The following MSH3 variants were observed in gnomAD, a reference collection of about 807,000 sequenced individuals.
The protein encoded by MSH3 is DNA mismatch repair protein Msh3.
In MSH3, 106 loss-of-function variants were observed where a neutral mutation model predicts 123.3. The observed-to-expected ratio is 0.86, with a 90% CI of 0.73 to 1.01. The LOEUF is 1.01. MSH3 is among the 50% of genes least tolerant of loss of function. The pLI is 0.00. For missense variants in MSH3, 1,459 were observed against 1,347.6 expected, an observed-to-expected ratio of 1.08 and a Z score of -1.29; for synonymous variants, 515 against 481.4, an observed-to-expected ratio of 1.07 and a Z score of -0.91.
intron 8 of MSH3, among the ~76,000 whole-genome samples, chr5:80,705,907 A>G (rs1039130951): frequency 1.3e-5 from 2 of 152,180 alleles, no homozygotes; most frequent in African/African-American, 4.8e-5. Flanking sequence ...ATAAAGTCAC[A>G]TTATATACTG....
In MSH3 at chr5:80,719,758, A is replaced by G. The variant is rs142799765; in HGVS notation, c.1341-5695A>G. On this transcript the variant is annotated intron_variant, in intron 8 of 23. Coordinates refer to ENST00000265081, the MANE Select transcript of MSH3 (RefSeq NM_002439.5). ...TCTTATAGCCTCCATTGAGAGTCTTAGTTCTCCAAACAAATATGTATTACA... is the reference window on the plus strand; with the variant it reads ...TCTTATAGCCTCCATTGAGAGTCTTGGTTCTCCAAACAAATATGTATTACA... 9.8e-5 allele frequency among the ~76,000 whole-genome samples: 15 copies of G among 152,372 alleles called. No homozygotes were observed. In the East Asian group the frequency reaches 2.9e-3, roughly 29 times the overall value.
intron 8 of MSH3, among the ~76,000 whole-genome samples, chr5:80,724,705 A>C (rs997423197): frequency 6.6e-6 from 1 of 152,246 alleles, no homozygotes; most frequent in Non-Finnish European, 1.5e-5. Context: ...AAACAGATTT[A>C]GCAGAAAGTC....
At chr5:80,728,688 A>G (rs1580589205) in intron 9 of MSH3, among the ~76,000 whole-genome samples, 163 bp from the exon 10 acceptor site, 1 of 152,152 alleles carries the variant, frequency 6.6e-6, no homozygotes, top group African/African-American at 2.4e-5. Flanking sequence ...CCAAAGGTCA[A>G]TTTTAGGAGA....
intron 10 of MSH3, among the ~76,000 whole-genome samples, chr5:80,736,980 A>G (rs985219475): frequency 2.0e-5 from 3 of 152,182 alleles, no homozygotes; most frequent in Admixed American, 6.5e-5. Flanking sequence ...ACCATGAGTC[A>G]TTGAACCTGG....
In MSH3 at chr5:80,828,019, C is replaced by T. The variant is rs143551300; in HGVS notation, c.2813+14278C>T. 2.1e-3 allele frequency among the ~76,000 whole-genome samples: 324 copies of T among 152,298 alleles called. 6 individuals carry two copies. The East Asian group carries it at 0.055, about 26-fold the overall frequency. On this transcript the variant is annotated intron_variant, in intron 20 of 23. Coordinates refer to ENST00000265081, the MANE Select transcript of MSH3 (RefSeq NM_002439.5). ...CTCCCCCATTTTCAGCATCCCCCACCAGAGTACTCCCTTTCTTACAATTGA... is the reference window on the plus strand; with the variant it reads ...CTCCCCCATTTTCAGCATCCCCCACTAGAGTACTCCCTTTCTTACAATTGA...
At chr5:80,865,853 TGGG>T (rs1334560578) in intron 22 of MSH3, among the ~76,000 whole-genome samples, 1 of 152,222 alleles carries the variant, frequency 6.6e-6, no homozygotes, top group Non-Finnish European at 1.5e-5. Flanking sequence ...AACAAAGCAC[TGGG>T]CCTAAGATAA....
intron 8 of MSH3, among the ~76,000 whole-genome samples, chr5:80,719,496 A>T (rs1472114720): frequency 6.6e-6 from 1 of 152,148 alleles, no homozygotes; most frequent in East Asian, 1.9e-4. Flanking sequence ...TGACATCTAT[A>T]TCTCCTTTTC....
chr5:80,744,085 T>A (rs914222284), intron 11 of MSH3, among the ~76,000 whole-genome samples: 5 of 152,296 alleles, frequency 3.3e-5, no homozygotes, highest in Admixed American at 6.5e-5. Flanking sequence ...TAGAGTGCAG[T>A]GCAAGTTCAT....
At chr5:80,744,675 C>A in intron 12 of MSH3, 60 bp downstream of exon 12, 1 of 1,195,792 alleles carries the variant, frequency 8.4e-7, no homozygotes, top group Non-Finnish European at 1.2e-6. Context: ...AAATTAAAGG[C>A]ATTTTAAAAC....
At chr5:80,841,562 A>G (rs941062304) in intron 20 of MSH3, among the ~76,000 whole-genome samples, 1 of 152,198 alleles carries the variant, frequency 6.6e-6, no homozygotes, top group African/African-American at 2.4e-5. Flanking sequence ...CCTCTCCAGC[A>G]TCTGTTGTTT....
At chr5:80,716,228 C>T (rs533852985) in intron 8 of MSH3, among the ~76,000 whole-genome samples, 53 of 152,260 alleles carry the variant, frequency 3.5e-4, no homozygotes, top group Non-Finnish European at 6.5e-4. Context: ...TTTCCCTACC[C>T]CACACCTATC....
chr5:80,660,789 G>T (rs1749418340), intron 2 of MSH3, among the ~76,000 whole-genome samples: 1 of 151,676 alleles, frequency 6.6e-6, no homozygotes, highest in East Asian at 1.9e-4. Flanking sequence ...TTTGATTTTG[G>T]TGGACCTTGT....
chr5:80,856,837 A>G (rs1745928830), intron 21 of MSH3, among the ~76,000 whole-genome samples: 1 of 152,190 alleles, frequency 6.6e-6, no homozygotes, highest in South Asian at 2.1e-4. Flanking sequence ...TTTCCTACAT[A>G]GGCAGTCATG....
chr5:80,702,719 A>AG (rs1750638149), intron 8 of MSH3, among the ~76,000 whole-genome samples: 1 of 151,878 alleles, frequency 6.6e-6, no homozygotes, highest in African/African-American at 2.4e-5. Context: ...TATTTAAAAA[A>AG]AAAAATAGCT....
chr5:80,798,998 T>C (rs1744746106), intron 19 of MSH3, among the ~76,000 whole-genome samples: 1 of 152,242 alleles, frequency 6.6e-6, no homozygotes, highest in Non-Finnish European at 1.5e-5. Context: ...ACAAGTGTAG[T>C]GGGAAAGTGG....
At chr5:80,777,925 A>G (rs1376081531) in intron 16 of MSH3, among the ~76,000 whole-genome samples, 1 of 152,206 alleles carries the variant, frequency 6.6e-6, no homozygotes, top group Non-Finnish European at 1.5e-5. Flanking sequence ...CCTAAGTTTT[A>G]TTTGTTTGAT....
rs77237803 is a variant in MSH3 at position 80,763,479 on chromosome 5, C to G, written c.1896+1801C>G. ...GATAGTCGCAAGTTTTATGGTAGACCTTTTTGAAGTTGCAATGTGGGTGCC... is the reference window on the plus strand; with the variant it reads ...GATAGTCGCAAGTTTTATGGTAGACGTTTTTGAAGTTGCAATGTGGGTGCC... On this transcript the variant is annotated intron_variant, in intron 13 of 23. Coordinates refer to ENST00000265081, the MANE Select transcript of MSH3 (RefSeq NM_002439.5). Among the ~76,000 whole-genome samples, 1,286 of 152,302 alleles carry G rather than the reference C, an allele frequency of 8.4e-3. 6 individuals carry two copies. Among genetic ancestry groups the G allele is most frequent in the Middle Eastern group, 0.044 (13 of 294 alleles).
chr5:80,693,602 T>TAA (rs1561446182), intron 8 of MSH3, among the ~76,000 whole-genome samples: 3 of 44,310 alleles, frequency 6.8e-5, no homozygotes, highest in Non-Finnish European at 1.4e-4. Flanking sequence ...TATATAAACA[T>TAA]ACATATATAC....
At chr5:80,844,238 A>T (rs747730556) in intron 20 of MSH3, among the ~76,000 whole-genome samples, 3 of 151,906 alleles carry the variant, frequency 2.0e-5, no homozygotes, top group Non-Finnish European at 2.9e-5. Flanking sequence ...CTGAGTTCTA[A>T]TTCGATTGTA....
Sources: gnomAD v4.1 joint callset for allele counts (sites outside exome capture counted in the v4.1 genomes callset) on GRCh38, gnomAD v4.1.1 for gene constraint, MANE v1.5 for transcripts, NCBI Gene and HGNC (gene_info 2026-07-23, HGNC 2026-07-21) for gene names.